ALPK1: variants seen among roughly 807,000 people sequenced by gnomAD.
ALPK1 encodes alpha-protein kinase 1.
Under a neutral mutation model 120.6 loss-of-function variants are expected in ALPK1, and 110 were observed. The observed-to-expected ratio is 0.91, with a 90% CI of 0.78 to 1.07. The LOEUF is 1.07. ALPK1 is among the 50% of genes least tolerant of loss of function. The pLI is 0.00. For missense variants in ALPK1, 1,498 were observed against 1,483.9 expected (o/e 1.01, Z -0.16); for synonymous variants, 582 against 560.3 (o/e 1.04, Z -0.55).
At chr4:112,394,753 A>T (rs1402984287) in intron 4 of ALPK1, among the ~76,000 whole-genome samples, 1 of 152,218 alleles carries the variant, frequency 6.6e-6, no homozygotes, top group African/African-American at 2.4e-5. Flanking sequence ...CATGAATTTC[A>T]TGTCTCCCCA....
At chr4:112,439,979 T>G in intron 14 of ALPK1, 107 bp downstream of exon 14, 1 of 1,024,176 alleles carries the variant, frequency 9.8e-7, no homozygotes, top group Non-Finnish European at 1.4e-6. Flanking sequence ...ATGTATAGGC[T>G]ATTATTTGGA....
Position 112,432,495 on chromosome 4 carries a change from T to C in ALPK1, c.2948T>C (p.Leu983Pro), listed in dbSNP as rs138439396. The change falls in exon 11 of 16, where the codon CTG becomes CCG. Residue 983 changes from leucine (L) to proline (P), a missense_variant. Coordinates refer to ENST00000650871, the MANE Select transcript of ALPK1 (RefSeq NM_025144.4). ...TTGCAACCTGATGACTTTGAAAAGC[T>C]GTTGGCAGGAGTGAGGCATGATTGG... ...RTLQPDDFEKLLAGVRHDWLF... is the reference protein window; with the variant it reads ...RTLQPDDFEKPLAGVRHDWLF... 5.6e-6 allele frequency: 9 copies of C among 1,614,160 alleles called. No homozygotes were observed. Among genetic ancestry groups the C allele is most frequent in the Non-Finnish European group, 7.6e-6 (9 of 1,180,032 alleles).
chr4:112,360,212 A>G (rs1196079299), intron 2 of ALPK1, among the ~76,000 whole-genome samples: 1 of 152,118 alleles, frequency 6.6e-6, no homozygotes, highest in African/African-American at 2.4e-5. Flanking sequence ...ATTTAACATA[A>G]CATCCTCCAG....
intron 1 of ALPK1, among the ~76,000 whole-genome samples, chr4:112,312,516 C>G (rs1728451312): frequency 6.6e-6 from 1 of 152,224 alleles, no homozygotes. Context: ...TCTTCATCCG[C>G]CCACCTCGGC....
chr4:112,404,205 A>G (rs1374745120), intron 4 of ALPK1, among the ~76,000 whole-genome samples: 1 of 152,162 alleles, frequency 6.6e-6, no homozygotes, highest in Non-Finnish European at 1.5e-5. Context: ...TGCATGACCC[A>G]TTATTTCTGT....
Position 112,412,973 on chromosome 4 carries a change from C to G in ALPK1, c.475+948C>G, listed in dbSNP as rs1733557599. ...GGAGAAATGGGCTAGTGGAGGTTAC[C>G]TTTTCAAAAGCCCAAGTTCATTTAC... On this transcript the variant is annotated intron_variant, in intron 5 of 15. Coordinates refer to ENST00000650871, the MANE Select transcript of ALPK1 (RefSeq NM_025144.4). 3.9e-5 allele frequency among the ~76,000 whole-genome samples: 6 copies of G among 152,184 alleles called. No homozygotes were observed. The South Asian group carries it at 1.2e-3, about 32-fold the overall frequency.
intron 14 of ALPK1, 137 bp from the exon 15 acceptor site, chr4:112,440,774 AAACCAC>A: frequency 7.3e-7 from 1 of 1,362,540 alleles, no homozygotes; most frequent in Non-Finnish European, 9.5e-7. Flanking sequence ...TACTAACTAT[AAACCAC>A]AGGATGGCCA....
At chr4:112,327,334 CAT>C (rs1179124193) in intron 2 of ALPK1, among the ~76,000 whole-genome samples, 2 of 152,162 alleles carry the variant, frequency 1.3e-5, no homozygotes, top group Admixed American at 6.6e-5. Context: ...AAGTAATAAA[CAT>C]ATGTAAGTTG....
chr4:112,370,109 A>C (rs1329003212), intron 2 of ALPK1, among the ~76,000 whole-genome samples: 1 of 152,244 alleles, frequency 6.6e-6, no homozygotes, highest in Non-Finnish European at 1.5e-5. Context: ...ACTCAAACAC[A>C]GATGCTAAAA....
intron 1 of ALPK1, among the ~76,000 whole-genome samples, chr4:112,298,347 G>A (rs1727634137): frequency 6.6e-6 from 1 of 151,568 alleles, no homozygotes; most frequent in African/African-American, 2.4e-5. Context: ...ATTTAATTTG[G>A]GGTATAATTT....
chr4:112,319,542 A>G (rs998938501), intron 2 of ALPK1, among the ~76,000 whole-genome samples: 2 of 152,144 alleles, frequency 1.3e-5, no homozygotes, highest in African/African-American at 4.8e-5. Context: ...TTCTGGTTCC[A>G]TATGAATTTT....
rs572996654 is a variant in ALPK1, at chr4:112,358,919, G to A, written c.-100-18759G>A. On this transcript the variant is annotated intron_variant, in intron 2 of 15. Coordinates refer to ENST00000650871, the MANE Select transcript of ALPK1 (RefSeq NM_025144.4). ...GCCTCCTCTTTGCTGAAAACCCCAAGAAGCACAGCCAGCTCCAGGGCTTCT... is the reference window on the plus strand; with the variant it reads ...GCCTCCTCTTTGCTGAAAACCCCAAAAAGCACAGCCAGCTCCAGGGCTTCT... 6 of 769,154 alleles carry A rather than the reference G, an allele frequency of 7.8e-6. No homozygotes were observed. The Admixed American group carries it at 1.0e-4, about 13-fold the overall frequency. 47.6% of individuals were successfully genotyped at this position (769,154 alleles called of 1,614,324 possible).
rs187596237 is a variant in ALPK1, at chr4:112,397,434, G to A, written c.277-14393G>A. ...ATTAGGCTAGTGCAAAGGTAATTGC[G>A]GTTTTTGCTATTGCTTTTAAATGGC... On this transcript the variant is annotated intron_variant, in intron 4 of 15. Transcript: ENST00000650871. 1.9e-3 allele frequency among the ~76,000 whole-genome samples: 294 copies of A among 152,226 alleles called. 1 individual carries two copies. The highest frequency in any genetic ancestry group is 3.1e-3 in the Non-Finnish European group (211 of 68,002).
chr4:112,390,716 C>G (rs767922227), intron 4 of ALPK1, among the ~76,000 whole-genome samples: 50 of 152,208 alleles, frequency 3.3e-4, no homozygotes, highest in African/African-American at 6.8e-4. Context: ...GTGTGGCCCA[C>G]AGTCAGACAA....
chr4:112,402,781 G>A (rs900850810), intron 4 of ALPK1, among the ~76,000 whole-genome samples: 21 of 152,128 alleles, frequency 1.4e-4, no homozygotes, highest in Non-Finnish European at 1.8e-4. Context: ...AGCCAGCTCC[G>A]AGGAAAAATA....
At position 112,431,373 on chromosome 4, in the gene ALPK1, A is replaced by G. The variant is rs1352554935; in HGVS notation, c.1826A>G (p.Lys609Arg). ...NYHVDDRSAR[K>R]EPGKEHLVDT... Reference sequence around the variant, plus strand: ...CACGTTGACGACAGGTCAGCCAGAAAAGAGCCTGGCAAAGAACATCTGGTG... The same window carrying G: ...CACGTTGACGACAGGTCAGCCAGAAGAGAGCCTGGCAAAGAACATCTGGTG... The change falls in exon 11 of 16, where the codon AAA (lysine) becomes AGA (arginine). Residue 609 changes from lysine to arginine, a missense_variant. By Grantham distance (26) the Lys-to-Arg change is conservative (BLOSUM62 2). Transcript: ENST00000650871. 1.2e-6 allele frequency: 2 copies of G among 1,614,230 alleles called. No individual in the cohort carries two copies. Among genetic ancestry groups the G allele is most frequent in the East Asian group, 2.2e-5 (1 of 44,888 alleles).
At position 112,430,848 on chromosome 4, in the gene ALPK1, C is replaced by T; in HGVS notation, c.1301C>T (p.Pro434Leu). Reference protein sequence around the residue: ...FSNVDDRSYVPESFECRLDKL... With the variant: ...FSNVDDRSYVLESFECRLDKL... ...AATGTAGATGACAGATCTTATGTTC[C>T]CGAGAGTTTCGAGTGCAGGTTGGAT... The change falls in exon 11 of 16, where the codon CCC becomes CTC. Residue 434 changes from proline to leucine, a missense_variant. Transcript: ENST00000650871. The T allele has an allele frequency of 1.9e-6, 3 of 1,614,072 alleles. No individual in the cohort carries two copies. The highest frequency in any genetic ancestry group is 2.5e-6 in the Non-Finnish European group (3 of 1,179,946).
intron 1 of ALPK1, among the ~76,000 whole-genome samples, chr4:112,297,919 G>A (rs896893614): frequency 2.6e-5 from 4 of 152,068 alleles, no homozygotes; most frequent in Non-Finnish European, 5.9e-5. Flanking sequence ...TTTTATGACA[G>A]CATCAGTAAT....
At chr4:112,325,437 C>A (rs17044419) in intron 2 of ALPK1, among the ~76,000 whole-genome samples, 15,668 of 152,162 alleles carry the variant, frequency 0.1, 1,313 homozygotes, top group African/African-American at 0.22. Context: ...GATTCCCTTG[C>A]AGGGCAGGAA....
Sources: allele counts gnomAD v4.1 joint callset (sites outside exome capture counted in the v4.1 genomes callset), GRCh38; gene constraint gnomAD v4.1.1; transcripts MANE v1.5; gene names NCBI Gene and HGNC (gene_info 2026-07-23, HGNC 2026-07-21).